MAML3: variants seen among roughly 807,000 people sequenced by gnomAD.
The protein encoded by MAML3 is mastermind like transcriptional coactivator 3.
In MAML3, 27 loss-of-function variants were observed where a neutral mutation model predicts 101.9. The ratio of observed to expected loss-of-function variants is 0.27; its 90% CI spans 0.20 to 0.37. MAML3 has a LOEUF of 0.37. Among genes scored for constraint, MAML3 ranks in the 10% least tolerant of loss-of-function variants. The pLI is 1.00. For synonymous variants in MAML3, 501 were observed against 555.9 expected (o/e 0.90, Z 1.39); for missense variants, 1,316 against 1,444.9 (o/e 0.91, Z 1.45).
chr4:139,752,490 A>T (rs1436255169), intron 2 of MAML3, among the ~76,000 whole-genome samples: 1 of 152,110 alleles, frequency 6.6e-6, no homozygotes, highest in Non-Finnish European at 1.5e-5. Flanking sequence ...GGGGTGAGTG[A>T]TAACCACTCC....
intron 2 of MAML3, among the ~76,000 whole-genome samples, chr4:139,762,315 G>C (rs1729773800): frequency 6.6e-6 from 1 of 152,190 alleles, no homozygotes; most frequent in African/African-American, 2.4e-5. Flanking sequence ...CAGGGTTTTT[G>C]TGAGGCTTCC....
chr4:139,788,589 A>AT (rs1054973563), intron 2 of MAML3, among the ~76,000 whole-genome samples: 2 of 152,146 alleles, frequency 1.3e-5, no homozygotes, highest in Non-Finnish European at 2.9e-5. Context: ...CATTGTCCCT[A>AT]TTTTTAGCTG....
chr4:139,994,484 G>A (rs919358177), intron 1 of MAML3, among the ~76,000 whole-genome samples: 1 of 152,152 alleles, frequency 6.6e-6, no homozygotes, highest in Admixed American at 6.5e-5. Flanking sequence ...GGGCAACATA[G>A]CAAGACTCCA....
intron 2 of MAML3, among the ~76,000 whole-genome samples, chr4:139,764,544 T>TA (rs1433150720): frequency 6.6e-6 from 1 of 152,210 alleles, no homozygotes; most frequent in Non-Finnish European, 1.5e-5. Context: ...GATGTGGGGC[T>TA]AATAGAGATT....
intron 1 of MAML3, among the ~76,000 whole-genome samples, chr4:139,992,164 T>A (rs370524524): frequency 6.6e-6 from 1 of 152,214 alleles, no homozygotes; most frequent in Non-Finnish European, 1.5e-5. Context: ...GGTATCCATC[T>A]TGTAGCAGGC....
At chr4:139,808,987 T>C (rs925289692) in intron 2 of MAML3, among the ~76,000 whole-genome samples, 1 of 152,240 alleles carries the variant, frequency 6.6e-6, no homozygotes, top group African/African-American at 2.4e-5. Flanking sequence ...AGAATGTCGG[T>C]GTGTGACTCC....
At chr4:140,124,745 T>C (rs575972395) in intron 1 of MAML3, among the ~76,000 whole-genome samples, 1 of 152,344 alleles carries the variant, frequency 6.6e-6, no homozygotes, top group Admixed American at 6.5e-5. Flanking sequence ...TGCAGTCCTT[T>C]AGCTGGTAAA....
Position 139,864,919 on chromosome 4 carries a change from C to CTTGT in MAML3, c.2079+24437_2079+24438insACAA. Among the ~76,000 whole-genome samples the CTTGT allele has an allele frequency of 3.3e-4, 9 of 27,150 alleles. 2 individuals are homozygous for CTTGT. The highest frequency in any genetic ancestry group is 1.4e-3 in the African/African-American group (4 of 2,962). 17.8% of individuals were successfully genotyped at this position (27,150 alleles called of 152,430 possible). ...ACATTTAGGAAAATAGTAATGCAAA[C>CTTGT]TTGCTTTTTTTTTTTTTTTTTTTTT... is the stretch of plus-strand genomic sequence containing the variant. On this transcript the variant is annotated intron_variant, in intron 2 of 4. Coordinates refer to ENST00000509479, the MANE Select transcript of MAML3 (RefSeq NM_018717.5).
At chr4:139,858,764 A>T (rs933892975) in intron 2 of MAML3, among the ~76,000 whole-genome samples, 1 of 152,208 alleles carries the variant, frequency 6.6e-6, no homozygotes, top group African/African-American at 2.4e-5. Flanking sequence ...CACATGTGCC[A>T]GTCTATGGTT....
chr4:139,841,943 C>T (rs148916144), intron 2 of MAML3, among the ~76,000 whole-genome samples: 94 of 152,354 alleles, frequency 6.2e-4, no homozygotes, highest in African/African-American at 2.1e-3. Context: ...GGGCTAGAGA[C>T]AACCGATGTC....
intron 1 of MAML3, among the ~76,000 whole-genome samples, chr4:139,947,515 T>C (rs1160983726): frequency 1.3e-5 from 2 of 152,338 alleles, no homozygotes; most frequent in South Asian, 2.1e-4. Context: ...TGGATTGGAC[T>C]CTGTCCTATT....
intron 1 of MAML3, chr4:140,134,351 A>C (rs1306505478): frequency 2.2e-6 from 1 of 456,604 alleles, no homozygotes; most frequent in Non-Finnish European, 4.4e-6. Flanking sequence ...TCAAGAAGAA[A>C]ACAGAACCCC....
At chr4:139,898,605 G>C (rs1732656924) in intron 1 of MAML3, among the ~76,000 whole-genome samples, 1 of 152,206 alleles carries the variant, frequency 6.6e-6, no homozygotes, top group African/African-American at 2.4e-5. Context: ...TCTTTCCCAA[G>C]GCTTGAAGAT....
At chr4:140,041,009 A>C (rs1727077286) in intron 1 of MAML3, among the ~76,000 whole-genome samples, 1 of 152,096 alleles carries the variant, frequency 6.6e-6, no homozygotes, top group African/African-American at 2.4e-5. Context: ...GACACCAAGG[A>C]ATCATTTTGT....
rs1211267014 is a variant in MAML3 at position 139,918,709 on chromosome 4, A to G, written c.469-27742T>C. ...AATGTGTCTGTCTCCAGTGTCTAGC[A>G]GAGATAAGCGCACGACTGGTGGTCA... On this transcript the variant is annotated intron_variant, in intron 1 of 4. Coordinates refer to ENST00000509479, the MANE Select transcript of MAML3 (RefSeq NM_018717.5). Among the ~76,000 whole-genome samples, 8 of 152,222 alleles carry G rather than the reference A, an allele frequency of 5.3e-5. No homozygotes were observed. The South Asian group carries it at 1.0e-3, about 20-fold the overall frequency.
chr4:139,741,099 T>TAG (rs983478459), intron 2 of MAML3, among the ~76,000 whole-genome samples: 110 of 152,094 alleles, frequency 7.2e-4, no homozygotes, highest in African/African-American at 2.5e-3. Context: ...TTCCTATGAG[T>TAG]AGAAGCCTGC....
At chr4:140,078,480 T>C (rs1258102485) in intron 1 of MAML3, among the ~76,000 whole-genome samples, 1 of 152,054 alleles carries the variant, frequency 6.6e-6, no homozygotes, top group Non-Finnish European at 1.5e-5. Flanking sequence ...GTTGTGGTAA[T>C]CAGAGAAGGC....
At chr4:140,079,495 C>T (rs1727831211) in intron 1 of MAML3, among the ~76,000 whole-genome samples, 1 of 152,060 alleles carries the variant, frequency 6.6e-6, no homozygotes, top group Non-Finnish European at 1.5e-5. Flanking sequence ...AGTTTCACCA[C>T]GTTGGCCAGG....
chr4:140,130,511 T>C (rs1344427718), intron 1 of MAML3, among the ~76,000 whole-genome samples: 2 of 152,246 alleles, frequency 1.3e-5, no homozygotes, highest in African/African-American at 2.4e-5. Context: ...GCTTATACAA[T>C]GATTTTTAAA....
Sources: allele counts gnomAD v4.1 joint callset (sites outside exome capture counted in the v4.1 genomes callset), GRCh38; gene constraint gnomAD v4.1.1; transcripts MANE v1.5; gene names NCBI Gene and HGNC (gene_info 2026-07-23, HGNC 2026-07-21).